The following NFIB variants were observed in gnomAD, a reference collection of about 807,000 sequenced individuals.
NFIB encodes the protein nuclear factor 1 B-type.
Under a neutral mutation model 61.5 loss-of-function variants are expected in NFIB, and 11 were observed. That is an observed-to-expected ratio of 0.18 (90% CI 0.11 to 0.30). The LOEUF is 0.30. NFIB is among the 10% of genes least tolerant of loss of function. The pLI, the probability that NFIB is intolerant of heterozygous loss-of-function variation, is 1.00. For synonymous variants in NFIB, 260 were observed against 216.5 expected, an observed-to-expected ratio of 1.20 and a Z score of -1.76; for missense variants, 471 against 608.9, an observed-to-expected ratio of 0.77 and a Z score of 2.38.
intron 3 of NFIB, 126 bp from the exon 4 acceptor site, chr9:14,156,019 G>A: frequency 2.0e-6 from 1 of 494,554 alleles, no homozygotes; most frequent in Non-Finnish European, 3.5e-6. Flanking sequence ...TTACAATAAG[G>A]ACTTTAAAAA....
chr9:14,363,155 T>C (rs1283029895), intron 1 of NFIB, among the ~76,000 whole-genome samples: 1 of 152,170 alleles, frequency 6.6e-6, no homozygotes, highest in African/African-American at 2.4e-5. Flanking sequence ...TTTAGCTCAA[T>C]AAAATTGTAA....
At chr9:14,449,503 T>C in the NFIB span, among the ~76,000 whole-genome samples, 3 of 152,150 alleles carry the variant, frequency 2.0e-5, no homozygotes, top group Non-Finnish European at 4.4e-5. Context: ...TCAAATGAGA[T>C]GGTAAAAAGC....
At chr9:14,207,829 A>C (rs1363275094) in intron 2 of NFIB, among the ~76,000 whole-genome samples, 1 of 152,216 alleles carries the variant, frequency 6.6e-6, no homozygotes, top group Non-Finnish European at 1.5e-5. Context: ...ACCACAGAGA[A>C]GAGCCCGTTT....
the NFIB span, among the ~76,000 whole-genome samples, chr9:14,456,423 A>C: frequency 6.6e-6 from 1 of 152,180 alleles, no homozygotes; most frequent in African/African-American, 2.4e-5. Flanking sequence ...ACCTGCAAAA[A>C]TGTTTTCAAC....
chr9:14,404,062 G>T, the NFIB span, among the ~76,000 whole-genome samples: 2 of 152,078 alleles, frequency 1.3e-5, 1 homozygote, highest in South Asian at 4.1e-4. Context: ...AATGTGTACT[G>T]GTCTTTCCTC....
At chr9:14,164,292 C>G (rs1027209938) in intron 3 of NFIB, among the ~76,000 whole-genome samples, 1 of 152,012 alleles carries the variant, frequency 6.6e-6, no homozygotes, top group African/African-American at 2.4e-5. Context: ...TAGGCAATTT[C>G]ATGGTTGTAT....
At chr9:14,353,229 C>T (rs1325065625) in intron 1 of NFIB, among the ~76,000 whole-genome samples, 1 of 152,052 alleles carries the variant, frequency 6.6e-6, no homozygotes, top group Non-Finnish European at 1.5e-5. Flanking sequence ...GCGTGAGCTT[C>T]CCAGACATGT....
chr9:14,187,598 T>C (rs1041150578), intron 2 of NFIB, among the ~76,000 whole-genome samples: 1 of 152,124 alleles, frequency 6.6e-6, no homozygotes, highest in Non-Finnish European at 1.5e-5. Context: ...TTCCTGAACA[T>C]CCCAGTTGTT....
At chr9:14,482,738 G>C in the NFIB span, among the ~76,000 whole-genome samples, 2 of 152,168 alleles carry the variant, frequency 1.3e-5, no homozygotes, top group South Asian at 4.1e-4. Context: ...TATTTTATTA[G>C]GATGAGCAGA....
intron 2 of NFIB, among the ~76,000 whole-genome samples, chr9:14,225,021 G>T (rs970079889): frequency 2.6e-5 from 4 of 151,888 alleles, no homozygotes; most frequent in African/African-American, 9.7e-5. Flanking sequence ...AAATCTCAAG[G>T]CTTATTCATC....
chr9:14,505,918 A>T, the NFIB span, among the ~76,000 whole-genome samples: 3 of 152,164 alleles, frequency 2.0e-5, no homozygotes, highest in Non-Finnish European at 4.4e-5. Context: ...AAAGTAAATG[A>T]TGTATTTTTT....
At chr9:14,178,451 A>G (rs1408747276) in intron 3 of NFIB, among the ~76,000 whole-genome samples, 1 of 152,128 alleles carries the variant, frequency 6.6e-6, no homozygotes, top group African/African-American at 2.4e-5. Flanking sequence ...CTCTCAATGT[A>G]CAGTAATATT....
rs570381227 is a variant in NFIB, at chr9:14,168,603, A to C, written c.616+11124T>G. Among the ~76,000 whole-genome samples, 12 of 152,196 alleles carry C rather than the reference A, an allele frequency of 7.9e-5. No homozygotes were observed. In the South Asian group the frequency reaches 2.3e-3, roughly 29 times the overall value. On this transcript the variant is annotated intron_variant, in intron 3 of 10. Coordinates refer to ENST00000380953, the MANE Select transcript of NFIB (RefSeq NM_001190737.2). ...GCTAGAGTGGAGACCTTGGAACCATACAAGGAGGTGAATGAAATAATCAGA... is the reference window on the plus strand; with the variant it reads ...GCTAGAGTGGAGACCTTGGAACCATCCAAGGAGGTGAATGAAATAATCAGA...
intron 2 of NFIB, among the ~76,000 whole-genome samples, chr9:14,216,165 T>A (rs934316959): frequency 3.3e-5 from 5 of 152,248 alleles, no homozygotes; most frequent in Non-Finnish European, 5.9e-5. Context: ...AGAAGCTACC[T>A]AATTGCCTGG....
At chr9:14,395,157 A>T (rs2061668798) in intron 1 of NFIB, among the ~76,000 whole-genome samples, 2 of 152,072 alleles carry the variant, frequency 1.3e-5, no homozygotes, top group African/African-American at 4.8e-5. Context: ...GTGACAGAGC[A>T]CCTGGCAGAT....
At chr9:14,503,051 T>C in the NFIB span, among the ~76,000 whole-genome samples, 2 of 151,830 alleles carry the variant, frequency 1.3e-5, no homozygotes, top group African/African-American at 4.8e-5. Flanking sequence ...GCAAATGCCA[T>C]TATTTATTCC....
rs972370376 is a variant in NFIB, at chr9:14,321,571, A to C, written c.109-14051T>G. ...AGAATGGCCTACAAGGTAGAACTAA[A>C]GTATCATTTGAACAGTAATTTTTTT... On this transcript the variant is annotated intron_variant, in intron 1 of 8. Coordinates refer to the NFIB transcript ENST00000380934. 2.0e-5 allele frequency among the ~76,000 whole-genome samples: 3 copies of C among 152,342 alleles called. No individual in the cohort carries two copies. In the East Asian group the frequency reaches 5.8e-4, roughly 29 times the overall value.
the NFIB span, among the ~76,000 whole-genome samples, chr9:14,459,203 A>G: frequency 6.6e-6 from 1 of 152,224 alleles, no homozygotes; most frequent in Admixed American, 6.5e-5. Context: ...AGCCCTCAGA[A>G]ATAATGCTGC....
chr9:14,281,687 T>A (rs906414120), intron 2 of NFIB, among the ~76,000 whole-genome samples: 1 of 152,148 alleles, frequency 6.6e-6, no homozygotes, highest in African/African-American at 2.4e-5. Flanking sequence ...TGTTTTGACA[T>A]TATAGGTAAA....
Sources: allele counts gnomAD v4.1 joint callset (sites outside exome capture counted in the v4.1 genomes callset), GRCh38; gene constraint gnomAD v4.1.1; transcripts MANE v1.5; gene names NCBI Gene and HGNC (gene_info 2026-07-23, HGNC 2026-07-21).